Variants in CADM2 observed in about 807,000 individuals in gnomAD.
The protein encoded by CADM2 is cell adhesion molecule 2, also known as immunoglobulin superfamily member 4D.
CADM2 carries 12 observed loss-of-function variants against 49.8 expected under a neutral mutation model. The observed-to-expected ratio is 0.24, with a 90% CI of 0.15 to 0.39. The LOEUF (loss-of-function observed/expected upper bound fraction) is 0.39, where lower values mean the gene tolerates loss of function less well. Ranked by LOEUF, CADM2 falls within the 10% of genes least tolerant of loss-of-function variation. The pLI, the probability that CADM2 is intolerant of heterozygous loss-of-function variation, is 1.00. For synonymous variants in CADM2, 214 were observed against 175.4 expected (o/e 1.22, Z -1.74); for missense variants, 378 against 492.3 (o/e 0.77, Z 2.20).
chr3:85,764,000 C>T (rs191626211), intron 2 of CADM2, among the ~76,000 whole-genome samples: 124 of 151,784 alleles, frequency 8.2e-4, no homozygotes, highest in Middle Eastern at 3.4e-3. Context: ...AAATTTGGTA[C>T]GATTTTATAA....
intron 1 of CADM2, among the ~76,000 whole-genome samples, chr3:85,014,158 A>G (rs2034140192): frequency 6.8e-6 from 1 of 146,698 alleles, no homozygotes; most frequent in Non-Finnish European, 1.5e-5. Context: ...AATATTGTAT[A>G]TTATATATAC....
At chr3:85,706,076 C>T (rs2066939494) in intron 1 of CADM2, among the ~76,000 whole-genome samples, 1 of 152,032 alleles carries the variant, frequency 6.6e-6, no homozygotes, top group Non-Finnish European at 1.5e-5. Flanking sequence ...TTTTATTTTC[C>T]TTAGTAAATC....
intron 1 of CADM2, among the ~76,000 whole-genome samples, chr3:85,687,024 C>T (rs1443265063): frequency 6.6e-6 from 1 of 152,156 alleles, no homozygotes; most frequent in Admixed American, 6.5e-5. Context: ...GGTGTGCATC[C>T]TCAATCTTGG....
In CADM2 at chr3:85,940,764, T is replaced by G. The variant is rs752635206; in HGVS notation, c.791+4907T>G. On this transcript the variant is annotated intron_variant, in intron 7 of 9. Coordinates refer to ENST00000383699, the MANE Select transcript of CADM2 (RefSeq NM_001167675.2). ...AGAGAATGCAGACCTGGGTTTAAATTATAAATCTGCGGATATTAGTGGCCT... is the reference window on the plus strand; with the variant it reads ...AGAGAATGCAGACCTGGGTTTAAATGATAAATCTGCGGATATTAGTGGCCT... 6.2e-4 allele frequency among the ~76,000 whole-genome samples: 95 copies of G among 152,074 alleles called. 2 individuals carry two copies. The highest frequency in any genetic ancestry group is 1.0e-4 in the Non-Finnish European group (7 of 67,994).
At chr3:84,974,976 G>T (rs2031724400) in intron 1 of CADM2, among the ~76,000 whole-genome samples, 1 of 151,682 alleles carries the variant, frequency 6.6e-6, no homozygotes, top group Non-Finnish European at 1.5e-5. Context: ...GTGATCTCAA[G>T]AAAAAGCATT....
At chr3:85,914,051 G>T (rs1717966805) in intron 6 of CADM2, among the ~76,000 whole-genome samples, 1 of 152,076 alleles carries the variant, frequency 6.6e-6, no homozygotes, top group South Asian at 2.1e-4. Flanking sequence ...TTTTTATATG[G>T]AAAATATAAA....
intron 5 of CADM2, among the ~76,000 whole-genome samples, chr3:85,900,511 A>G (rs1715969655): frequency 6.6e-6 from 1 of 152,208 alleles, no homozygotes; most frequent in Non-Finnish European, 1.5e-5. Flanking sequence ...CGGTATGTAT[A>G]TCATGAGATA....
At chr3:85,371,677 G>GTGTGTATATA (rs1251505613) in intron 1 of CADM2, among the ~76,000 whole-genome samples, 1,382 of 94,986 alleles carry the variant, frequency 0.015, 26 homozygotes, top group Admixed American at 0.018. Context: ...GTGTGTGTGT[G>GTGTGTATATA]TATATATATA....
rs973755882 is a variant in CADM2, at chr3:86,072,087, T to C, written c.*5304T>C. ...AAATGCCCACTTCATTTTGTCTGCA[T>C]AGACATATTAAGAATTTTTCAATGA... On this transcript the variant is annotated 3_prime_UTR_variant, in exon 10 of 10. Transcript: ENST00000383699. 6.6e-6 allele frequency: 1 copy of C among 151,114 alleles called. No individual in the cohort carries two copies. The highest frequency in any genetic ancestry group is 2.5e-5 in the African/African-American group (1 of 40,630). The allele number at this position is 151,114 out of a possible 1,614,324, so 9.4% of individuals were successfully genotyped here. A position where few individuals can be genotyped will look rare whatever the true frequency, so the allele number is the denominator to read the frequency against.
chr3:85,227,561 C>A (rs1385277164), intron 1 of CADM2, among the ~76,000 whole-genome samples: 1 of 151,344 alleles, frequency 6.6e-6, no homozygotes, highest in Admixed American at 6.6e-5. Context: ...CTGAATACAG[C>A]ACACTGATGG....
intron 1 of CADM2, among the ~76,000 whole-genome samples, chr3:85,476,808 T>G (rs76199014): frequency 0.08 from 12,206 of 151,872 alleles, 946 homozygotes; most frequent in African/African-American, 0.18. Context: ...GTTTTATCTA[T>G]GTGTCATTAA....
chr3:85,326,919 A>T (rs1481908768), intron 1 of CADM2, among the ~76,000 whole-genome samples: 1 of 152,054 alleles, frequency 6.6e-6, no homozygotes, highest in Non-Finnish European at 1.5e-5. Flanking sequence ...ATTAATGACT[A>T]AAAGTTTTTC....
chr3:85,754,917 A>T (rs1409775685), intron 2 of CADM2, among the ~76,000 whole-genome samples: 1 of 152,230 alleles, frequency 6.6e-6, no homozygotes, highest in Admixed American at 6.5e-5. Context: ...AATGAAATAG[A>T]AATATCCTTA....
chr3:85,574,186 G>A (rs2062564299), intron 1 of CADM2, among the ~76,000 whole-genome samples: 1 of 152,182 alleles, frequency 6.6e-6, no homozygotes, highest in African/African-American at 2.4e-5. Flanking sequence ...GACATTTCCT[G>A]TGCTTCTTAC....
At chr3:85,452,337 C>T (rs1030400961) in intron 1 of CADM2, among the ~76,000 whole-genome samples, 1 of 151,946 alleles carries the variant, frequency 6.6e-6, no homozygotes, top group African/African-American at 2.4e-5. Context: ...TCATCTTTGC[C>T]TTAAGAGATT....
chr3:85,677,566 T>C (rs967543557), intron 1 of CADM2, among the ~76,000 whole-genome samples: 8 of 152,126 alleles, frequency 5.3e-5, no homozygotes, highest in African/African-American at 1.7e-4. Context: ...GTTTTAAATG[T>C]TCAATAAAGA....
At chr3:85,028,535 A>G (rs1197585654) in intron 1 of CADM2, among the ~76,000 whole-genome samples, 1 of 152,202 alleles carries the variant, frequency 6.6e-6, no homozygotes, top group African/African-American at 2.4e-5. Flanking sequence ...AGTATCTTAA[A>G]GTACAAATTT....
chr3:86,067,413 G>C lies in CADM2; in HGVS notation c.*630G>C, dbSNP rs972785961. On this transcript the variant is annotated 3_prime_UTR_variant, in exon 10 of 10. Coordinates refer to ENST00000383699, the MANE Select transcript of CADM2 (RefSeq NM_001167675.2). ...TATTGAAATATAGTATTTGATACAG[G>C]AGCCATGTGTACGAATTGCAATCAT... 1.2e-4 allele frequency: 18 copies of C among 152,468 alleles called. No individual in the cohort carries two copies. The highest frequency in any genetic ancestry group is 4.1e-4 in the African/African-American group (17 of 41,412). 9.4% of individuals were successfully genotyped at this position (152,468 alleles called of 1,614,324 possible). A position where few individuals can be genotyped will look rare whatever the true frequency, so the allele number is the denominator to read the frequency against.
intron 1 of CADM2, among the ~76,000 whole-genome samples, chr3:85,215,150 C>T (rs1348463861): frequency 6.6e-6 from 1 of 151,892 alleles, no homozygotes; most frequent in Non-Finnish European, 1.5e-5. Flanking sequence ...TTATTCAAGG[C>T]TCAGTGGCTC....
Sources: allele counts gnomAD v4.1 joint callset (sites outside exome capture counted in the v4.1 genomes callset), GRCh38; gene constraint gnomAD v4.1.1; transcripts MANE v1.5; gene names NCBI Gene and HGNC (gene_info 2026-07-23, HGNC 2026-07-21).